Variants in RIMBP2 observed in about 807,000 individuals in gnomAD.
RIMBP2 encodes the protein RIMS binding protein 2.
RIMBP2 carries 48 observed loss-of-function variants against 118.6 expected under a neutral mutation model. The observed-to-expected ratio is 0.40, with a 90% CI of 0.32 to 0.51. The LOEUF (loss-of-function observed/expected upper bound fraction) is 0.51. RIMBP2 is among the 20% of genes least tolerant of loss of function. RIMBP2 has a pLI of 0.41. For missense variants in RIMBP2, 1,551 were observed against 1,768.3 expected (o/e 0.88, Z 2.20); for synonymous variants, 762 against 742.9 (o/e 1.03, Z -0.42).
At chr12:130,421,119 A>T (rs2076380811) in intron 17 of RIMBP2, 1 of 152,176 alleles carries the variant, frequency 6.6e-6, no homozygotes, top group South Asian at 2.1e-4. Context: ...CGGACAGGTC[A>T]TTTAACATGA....
chr12:130,479,123 G>T, intron 4 of RIMBP2, 107 bp from the exon 5 acceptor site: 1 of 811,978 alleles, frequency 1.2e-6, no homozygotes, highest in Non-Finnish European at 1.9e-6. Context: ...TCACTCCAGA[G>T]CAGCCCCTCA....
chr12:130,671,796 TGGTTTAATGAATG>T (rs1369059703), intron 1 of RIMBP2, among the ~76,000 whole-genome samples: 1 of 145,710 alleles, frequency 6.9e-6, no homozygotes, highest in Non-Finnish European at 1.5e-5. Context: ...TGAGAACCGC[TGGTTTAATGAATG>T]GGTTTAATGA....
chr12:130,503,456 A>G (rs892026999), intron 4 of RIMBP2, among the ~76,000 whole-genome samples: 7 of 151,914 alleles, frequency 4.6e-5, no homozygotes, highest in African/African-American at 1.7e-4. Flanking sequence ...CTTCCCATAT[A>G]TGGGGCAATC....
chr12:130,567,638 C>G (rs1328925805), intron 2 of RIMBP2, among the ~76,000 whole-genome samples: 1 of 152,168 alleles, frequency 6.6e-6, no homozygotes, highest in African/African-American at 2.4e-5. Flanking sequence ...TCCTACTTGC[C>G]ATTTTCCCAC....
At position 130,442,318 on chromosome 12, in the gene RIMBP2, G is replaced by A. The variant is rs370841973; in HGVS notation, c.1034C>T (p.Thr345Met). 69 of 1,614,200 alleles carry A rather than the reference G, an allele frequency of 4.3e-5. No individual in the cohort carries two copies. The highest frequency in any genetic ancestry group is 3.6e-4 in the South Asian group (33 of 91,084). ...CACCAGGACGTTGTAGCTGCTCACC[G>A]TTCCCCATCCTGGTGGCACCGCCGG... ...EPPAVPPGWG[T>M]VSSYNVLVDK... The change falls in exon 11 of 23, where the codon ACG becomes ATG. Residue 345 changes from threonine to methionine, a missense_variant. Around this residue, in one of 5 missense-constraint regions of RIMBP2, gnomAD observed 265 missense variants for 349.5 expected, o/e 0.76. Coordinates refer to ENST00000690449, the MANE Select transcript of RIMBP2 (RefSeq NM_001393629.1). The surrounding 1 kb of genome is among the most constrained non-coding windows in gnomAD (Gnocchi z 6.9).
intron 1 of RIMBP2, among the ~76,000 whole-genome samples, chr12:130,709,272 C>G (rs1003461128): frequency 5.3e-5 from 8 of 152,254 alleles, no homozygotes; most frequent in Admixed American, 3.3e-4. Flanking sequence ...CCCCAACTGC[C>G]ATTCGCTGCA....
intron 2 of RIMBP2, among the ~76,000 whole-genome samples, chr12:130,573,439 C>T (rs1179067276): frequency 4.6e-5 from 7 of 151,394 alleles, no homozygotes; most frequent in Non-Finnish European, 8.8e-5. Context: ...TGGGTGTGTG[C>T]GTGGGTGCGT....
At chr12:130,686,647 C>T (rs545154451) in intron 1 of RIMBP2, among the ~76,000 whole-genome samples, 34 of 152,358 alleles carry the variant, frequency 2.2e-4, no homozygotes, top group African/African-American at 7.7e-4. Context: ...GTGCTGGCCC[C>T]GGGCCACGCG....
At chr12:130,521,977 C>T (rs1211234024) in intron 2 of RIMBP2, among the ~76,000 whole-genome samples, 1 of 152,130 alleles carries the variant, frequency 6.6e-6, no homozygotes, top group Non-Finnish European at 1.5e-5. Flanking sequence ...AGAATCAAAA[C>T]ACACAGTCTG....
chr12:130,474,537 G>T (rs146650663), intron 5 of RIMBP2, among the ~76,000 whole-genome samples: 1 of 152,326 alleles, frequency 6.6e-6, no homozygotes, highest in African/African-American at 2.4e-5. Flanking sequence ...CCACATGAGC[G>T]AGCAGGCATG....
rs549883540 is a variant in RIMBP2 at position 130,706,150 on chromosome 12, C to G, written c.-352+10072G>C. ...TGTTTGTTGAACCCTCACACTATTC[C>G]AGGCCCTGTTCTAAATGCTCTGTGC... On this transcript the variant is annotated intron_variant, in intron 1 of 22. Coordinates refer to ENST00000690449, the MANE Select transcript of RIMBP2 (RefSeq NM_001393629.1). 8.4e-4 allele frequency among the ~76,000 whole-genome samples: 128 copies of G among 152,254 alleles called. 2 individuals carry two copies. The highest frequency in any genetic ancestry group is 3.0e-3 in the African/African-American group (125 of 41,546).
chr12:130,657,097 T>C (rs2063465195), intron 1 of RIMBP2, among the ~76,000 whole-genome samples: 1 of 152,204 alleles, frequency 6.6e-6, no homozygotes, highest in Non-Finnish European at 1.5e-5. Flanking sequence ...AGGGTCTTGC[T>C]ATGTTGTTCA....
chr12:130,408,821 T>C (rs572070200), intron 19 of RIMBP2, among the ~76,000 whole-genome samples: 12 of 152,356 alleles, frequency 7.9e-5, no homozygotes, highest in African/African-American at 2.9e-4. Context: ...GGCAAATATC[T>C]CAACGGCAAC....
intron 4 of RIMBP2, among the ~76,000 whole-genome samples, chr12:130,482,921 T>A (rs532415372): frequency 2.0e-5 from 2 of 97,992 alleles, no homozygotes; most frequent in Admixed American, 1.9e-4. Context: ...CTCATCCAAA[T>A]ACACCCATTG....
At chr12:130,646,094 TCC>T (rs1566422027) in intron 1 of RIMBP2, among the ~76,000 whole-genome samples, 1 of 51,100 alleles carries the variant, frequency 2.0e-5, no homozygotes, top group African/African-American at 8.4e-5. Flanking sequence ...CACTTCCCTC[TCC>T]ACCTCCCTCT....
At position 130,539,801 on chromosome 12, in the gene RIMBP2, C is replaced by A. The variant is rs10848142; in HGVS notation, c.-216-21884G>T. Among the ~76,000 whole-genome samples, 55 of 8,498 alleles carry A rather than the reference C, an allele frequency of 6.5e-3. 8 individuals are homozygous for A. Among genetic ancestry groups the A allele is most frequent in the African/African-American group, 0.019 (53 of 2,848 alleles). 5.6% of individuals were successfully genotyped at this position (8,498 alleles called of 152,430 possible). On this transcript the variant is annotated intron_variant, in intron 2 of 22. Coordinates refer to ENST00000690449, the MANE Select transcript of RIMBP2 (RefSeq NM_001393629.1). ...GGTGTAGGATATGGCAAATGCAGTC[C>A]ATGAGGTGGCCAGGTGTAGGATATG...
intron 4 of RIMBP2, among the ~76,000 whole-genome samples, chr12:130,494,722 A>G (rs2048981606): frequency 6.6e-6 from 1 of 151,968 alleles, no homozygotes; most frequent in African/African-American, 2.4e-5. Context: ...CCTGCACTCC[A>G]GCCCTGTGTG....
rs534054111 is a variant in RIMBP2 at position 130,469,765 on chromosome 12, G to C, written c.153+928C>G. Among the ~76,000 whole-genome samples, 2 of 152,364 alleles carry C rather than the reference G, an allele frequency of 1.3e-5. No homozygotes were observed. Among genetic ancestry groups the C allele is most frequent in the Non-Finnish European group, 2.9e-5 (2 of 68,036 alleles). ...ACACAGGACAAGGTCATTCTGAAGAGGGCAGCCTCATCCAATATTGGCCTC... is the reference window on the plus strand; with the variant it reads ...ACACAGGACAAGGTCATTCTGAAGACGGCAGCCTCATCCAATATTGGCCTC... On this transcript the variant is annotated intron_variant, in intron 6 of 22. Coordinates refer to ENST00000690449, the MANE Select transcript of RIMBP2 (RefSeq NM_001393629.1). The surrounding 1 kb of genome is among the most constrained non-coding windows in gnomAD (Gnocchi z 4.8).
At chr12:130,502,842 T>A (rs1291114839) in intron 4 of RIMBP2, among the ~76,000 whole-genome samples, 1 of 152,112 alleles carries the variant, frequency 6.6e-6, no homozygotes, top group African/African-American at 2.4e-5. Flanking sequence ...AATAAGCAGC[T>A]CATGGCCCAG....
Sources: gnomAD v4.1 joint callset for allele counts (sites outside exome capture counted in the v4.1 genomes callset) on GRCh38, gnomAD v4.1.1 for gene constraint, gnomAD v4.1.1 regional missense constraint, Gnocchi (gnomAD v3.1) non-coding constraint, MANE v1.5 for transcripts, NCBI Gene and HGNC (gene_info 2026-07-23, HGNC 2026-07-21) for gene names.